The following GSE1 variants were observed in gnomAD, a reference collection of about 807,000 sequenced individuals.
The protein encoded by GSE1 is Gse1 coiled-coil protein, also known as genetic suppressor element 1.
In GSE1, 32 loss-of-function variants were observed where a neutral mutation model predicts 112.6. The observed-to-expected ratio is 0.28, with a 90% CI of 0.21 to 0.38. The LOEUF is 0.38. Ranked by LOEUF, GSE1 falls within the 10% of genes least tolerant of loss-of-function variation. The pLI is 1.00. For missense variants in GSE1, 2,348 were observed against 1,699.2 expected (o/e 1.38, Z -6.71); for synonymous variants, 1,115 against 735.6 (o/e 1.52, Z -8.35).
At chr16:85,350,728 T>A (rs1173294586) in intron 1 of GSE1, among the ~76,000 whole-genome samples, 2 of 152,180 alleles carry the variant, frequency 1.3e-5, no homozygotes, top group East Asian at 3.9e-4. Context: ...AGCAGAAGAG[T>A]TCGTTGAATT....
intron 2 of GSE1, among the ~76,000 whole-genome samples, chr16:85,643,031 G>T (rs1202218789): frequency 6.6e-6 from 1 of 152,172 alleles, no homozygotes; most frequent in African/African-American, 2.4e-5. Flanking sequence ...GGCGGGGTGG[G>T]CCTGAGCCTG....
At chr16:85,178,738 C>A (rs1384999001) in intron 1 of GSE1, among the ~76,000 whole-genome samples, 1 of 151,878 alleles carries the variant, frequency 6.6e-6, no homozygotes, top group Non-Finnish European at 1.5e-5. Context: ...AGCAACCAGG[C>A]AGGGTCTTGG....
intron 2 of GSE1, among the ~76,000 whole-genome samples, chr16:85,413,059 G>A (rs1056173118): frequency 6.6e-6 from 1 of 152,208 alleles, no homozygotes; most frequent in East Asian, 1.9e-4. Context: ...TGCTGGAGGG[G>A]CCGCCCCACG....
intron 2 of GSE1, among the ~76,000 whole-genome samples, chr16:85,514,621 G>A (rs1254732256): frequency 6.6e-6 from 1 of 152,214 alleles, no homozygotes; most frequent in Non-Finnish European, 1.5e-5. Flanking sequence ...CACACAGGCG[G>A]CTGAGCTCAG....
chr16:85,512,398 A>G (rs2051777761), intron 2 of GSE1, among the ~76,000 whole-genome samples: 1 of 152,150 alleles, frequency 6.6e-6, no homozygotes, highest in Non-Finnish European at 1.5e-5. Context: ...AAGGGACTCC[A>G]CACTCGCCGT....
chr16:85,197,220 G>C (rs1042815277), intron 1 of GSE1, among the ~76,000 whole-genome samples: 2 of 152,132 alleles, frequency 1.3e-5, no homozygotes, highest in African/African-American at 4.8e-5. Flanking sequence ...AGCCACTTGG[G>C]GATCCACGTG....
intron 2 of GSE1, among the ~76,000 whole-genome samples, chr16:85,473,131 G>A (rs560671422): frequency 7.2e-5 from 11 of 152,276 alleles, no homozygotes; most frequent in Admixed American, 1.3e-4. Flanking sequence ...GGAGGGCCAC[G>A]CAGAAACTGT....
intron 1 of GSE1, among the ~76,000 whole-genome samples, chr16:85,292,043 C>T (rs550626696): frequency 2.6e-5 from 4 of 152,196 alleles, no homozygotes; most frequent in African/African-American, 4.8e-5. Flanking sequence ...CCCCATATTC[C>T]CAGCTACTTG....
At chr16:85,525,257 C>CT (rs887401721) in intron 2 of GSE1, among the ~76,000 whole-genome samples, 1 of 152,072 alleles carries the variant, frequency 6.6e-6, no homozygotes, top group Non-Finnish European at 1.5e-5. Flanking sequence ...TTGTCCCCCC[C>CT]CCACTGATGG....
At chr16:85,650,299 A>C (rs921892838) in intron 3 of GSE1, among the ~76,000 whole-genome samples, 1 of 151,950 alleles carries the variant, frequency 6.6e-6, no homozygotes, top group South Asian at 2.1e-4. Context: ...GCCAGCCTTG[A>C]CCCCATGGGC....
chr16:85,613,491 C>T, intron 1 of GSE1, 93 bp downstream of exon 1: 3 of 1,172,922 alleles, frequency 2.6e-6, no homozygotes, highest in South Asian at 1.5e-5. Flanking sequence ...CGGGGGCGGC[C>T]GCCAACGGCT....
At chr16:85,443,982 C>CTT (rs67916368) in intron 2 of GSE1, among the ~76,000 whole-genome samples, 1,461 of 77,612 alleles carry the variant, frequency 0.019, 159 homozygotes, top group Middle Eastern at 0.068. Flanking sequence ...CAAGGGGGCG[C>CTT]TTTTTTTTTT....
intron 8 of GSE1, chr16:85,659,401 G>C (rs181355447): frequency 1.3e-5 from 2 of 152,360 alleles, no homozygotes; most frequent in African/African-American, 4.8e-5. Context: ...ACACATGCCT[G>C]TAGGCCCAAC....
chr16:85,212,814 T>A (rs1419395795), intron 1 of GSE1, among the ~76,000 whole-genome samples: 1 of 152,136 alleles, frequency 6.6e-6, no homozygotes, highest in Non-Finnish European at 1.5e-5. Context: ...TTCTTAATGA[T>A]ACCTTATTGC....
At chr16:85,227,130 C>T (rs1201268466) in intron 1 of GSE1, among the ~76,000 whole-genome samples, 5 of 152,138 alleles carry the variant, frequency 3.3e-5, no homozygotes, top group African/African-American at 4.8e-5. Flanking sequence ...TCCATCCATC[C>T]GCCCACCCAT....
At chr16:85,613,695 G>T (rs1268656343) in intron 1 of GSE1, among the ~76,000 whole-genome samples, 9 of 149,256 alleles carry the variant, frequency 6.0e-5, no homozygotes, top group Admixed American at 6.0e-4. Flanking sequence ...GTGCGGGCTA[G>T]AGGGCAGGTA....
At chr16:85,551,020 G>A (rs183807367), upstream of GSE1, among the ~76,000 whole-genome samples, 2,528 of 152,300 alleles carry the variant, frequency 0.017, 25 homozygotes, top group Non-Finnish European at 0.022. Flanking sequence ...GGTGTGCAGC[G>A]TGGGCAGGGC....
At chr16:85,526,506 A>G (rs62048396) in intron 2 of GSE1, among the ~76,000 whole-genome samples, 27,539 of 152,294 alleles carry the variant, frequency 0.18, 2,678 homozygotes, top group Admixed American at 0.25. Context: ...AGAGAGGTGG[A>G]TCTTCAAAGG....
chr16:85,213,052 T>C (rs1352121695), intron 1 of GSE1, among the ~76,000 whole-genome samples: 3 of 152,058 alleles, frequency 2.0e-5, no homozygotes, highest in Non-Finnish European at 4.4e-5. Context: ...GGGCAGATCA[T>C]GAGGTCAGGA....
Sources: gnomAD v4.1 joint callset for allele counts (sites outside exome capture counted in the v4.1 genomes callset) on GRCh38, gnomAD v4.1.1 for gene constraint, MANE v1.5 for transcripts, NCBI Gene and HGNC (gene_info 2026-07-23, HGNC 2026-07-21) for gene names.